DESI2: variants seen among roughly 807,000 people sequenced by gnomAD.
The protein encoded by DESI2 is desumoylating isopeptidase 2.
DESI2 carries 10 observed loss-of-function variants against 24.1 expected under a neutral mutation model. The observed-to-expected ratio is 0.41, with a 90% CI of 0.26 to 0.70. The LOEUF (loss-of-function observed/expected upper bound fraction) is 0.70, where lower values mean the gene tolerates loss of function less well. DESI2 is among the 30% of genes least tolerant of loss of function. The pLI, the probability that DESI2 is intolerant of heterozygous loss-of-function variation, is 0.29. For synonymous variants in DESI2, 71 were observed against 87.7 expected (o/e 0.81, Z 1.06); for missense variants, 122 against 234.9 (o/e 0.52, Z 3.14).
At chr1:244,681,329 C>T (rs1345671627) in intron 1 of DESI2, among the ~76,000 whole-genome samples, 1 of 152,110 alleles carries the variant, frequency 6.6e-6, no homozygotes, top group East Asian at 1.9e-4. Context: ...TCTTCCATTC[C>T]ATTTCCTCTT....
chr1:244,695,847 T>C (rs1677194117), intron 4 of DESI2, among the ~76,000 whole-genome samples: 2 of 152,168 alleles, frequency 1.3e-5, no homozygotes, highest in Non-Finnish European at 2.9e-5. Context: ...GTGATCATAG[T>C]TCATTGCAGC....
At chr1:244,670,317 G>A (rs1676204184) in intron 1 of DESI2, among the ~76,000 whole-genome samples, 1 of 152,150 alleles carries the variant, frequency 6.6e-6, no homozygotes, top group African/African-American at 2.4e-5. Flanking sequence ...ACCATTGTTT[G>A]CTATTCATTT....
At chr1:244,703,646 T>C (rs1677568471) in intron 4 of DESI2, among the ~76,000 whole-genome samples, 1 of 144,564 alleles carries the variant, frequency 6.9e-6, no homozygotes, top group African/African-American at 2.5e-5. Context: ...CCACCATGCC[T>C]GGCCTCATGT....
chr1:244,689,696 G>C lies in DESI2; in HGVS notation c.209+354G>C, dbSNP rs900395514. Among the ~76,000 whole-genome samples, 1 of 152,114 alleles carries C rather than the reference G, an allele frequency of 6.6e-6. No individual in the cohort carries two copies. The highest frequency in any genetic ancestry group is 1.9e-4 in the East Asian group (1 of 5,178). On this transcript the variant is annotated intron_variant, in intron 3 of 4. Transcript: ENST00000302550. The surrounding 1 kb of genome is among the most constrained non-coding windows in gnomAD (Gnocchi z 4.0). ...GGCTAATTTTTGTATTTTTAGTAGA[G>C]ATGGAGTTTCGCCATGTTGGCCAGG... is the stretch of plus-strand genomic sequence containing the variant.
At position 244,653,134 on chromosome 1, in the gene DESI2, C is replaced by T. The variant is rs1365302839; in HGVS notation, c.-180C>T. ...TCCGGCCCCGTCCGCACAGACGCTC[C>T]TGTCGGCGGCGCCCGGGAGCGGCTC... On this transcript the variant is annotated 5_prime_UTR_variant, in exon 1 of 5. Coordinates refer to ENST00000302550, the MANE Select transcript of DESI2 (RefSeq NM_016076.5). 37 of 494,632 alleles carry T rather than the reference C, an allele frequency of 7.5e-5. No homozygotes were observed. In the East Asian group the frequency reaches 1.3e-3, roughly 17 times the overall value. 30.6% of individuals were successfully genotyped at this position (494,632 alleles called of 1,614,324 possible).
At chr1:244,671,451 A>G (rs994515497) in intron 1 of DESI2, among the ~76,000 whole-genome samples, 5 of 152,282 alleles carry the variant, frequency 3.3e-5, no homozygotes, top group South Asian at 2.1e-4. Flanking sequence ...CCTGAGAGCA[A>G]TAGTTCTTTA....
chr1:244,683,030 G>A (rs1573207946), intron 1 of DESI2, among the ~76,000 whole-genome samples: 2 of 152,186 alleles, frequency 1.3e-5, no homozygotes, highest in Non-Finnish European at 2.9e-5. Context: ...AGGGAGCAGG[G>A]TGGAGGGTCA....
At chr1:244,700,805 A>G (rs375201038) in intron 4 of DESI2, among the ~76,000 whole-genome samples, 6 of 152,320 alleles carry the variant, frequency 3.9e-5, no homozygotes, top group Admixed American at 6.5e-5. Context: ...TTACTCCTCT[A>G]TACCTAAAAC....
intron 3 of DESI2, 95 bp from the exon 4 acceptor site, chr1:244,691,784 G>T: frequency 1.0e-6 from 1 of 964,618 alleles, no homozygotes; most frequent in Non-Finnish European, 1.5e-6. Flanking sequence ...TAATATTCCT[G>T]GAAATAAGCA....
chr1:244,654,544 C>T (rs975048012), intron 1 of DESI2, among the ~76,000 whole-genome samples: 22 of 152,282 alleles, frequency 1.4e-4, no homozygotes, highest in African/African-American at 4.8e-4. Context: ...GATGAGTCCT[C>T]TGTTGAATTC....
intron 1 of DESI2, among the ~76,000 whole-genome samples, chr1:244,665,094 T>A (rs1675996322): frequency 6.6e-6 from 1 of 152,224 alleles, no homozygotes; most frequent in Non-Finnish European, 1.5e-5. Flanking sequence ...TATTAGATGT[T>A]GAATTATACT....
At chr1:244,683,004 A>G (rs1325950314) in intron 1 of DESI2, among the ~76,000 whole-genome samples, 3 of 152,176 alleles carry the variant, frequency 2.0e-5, no homozygotes, top group Admixed American at 2.0e-4. Context: ...GCATGGGCAA[A>G]TGGGAATTTG....
intron 1 of DESI2, among the ~76,000 whole-genome samples, chr1:244,685,617 T>C (rs1676790669): frequency 1.3e-5 from 2 of 152,226 alleles, no homozygotes; most frequent in Non-Finnish European, 2.9e-5. Flanking sequence ...TGTTCATTTA[T>C]GCTTCTTCCA....
chr1:244,654,122 T>A lies in DESI2; in HGVS notation c.42+767T>A, dbSNP rs77779543. On this transcript the variant is annotated intron_variant, in intron 1 of 4. Transcript: ENST00000302550. ...AGTATGGCAAGCACGCAGAATCGAG[T>A]CCAAGAACTGGTTTGCCTGATTTTT... The A allele has an allele frequency of 1.2e-3, 523 of 431,036 alleles. 1 individual carries two copies. In the East Asian group the frequency reaches 0.02, roughly 16 times the overall value. The allele number at this position is 431,036 out of a possible 1,614,324, so 26.7% of individuals were successfully genotyped here.
chr1:244,663,316 A>G (rs1675913623), intron 1 of DESI2, among the ~76,000 whole-genome samples: 1 of 151,874 alleles, frequency 6.6e-6, no homozygotes, highest in Admixed American at 6.6e-5. Flanking sequence ...AGCTGGGACT[A>G]CAGGCGCCTG....
chr1:244,692,400 C>T (rs904453715), intron 4 of DESI2, among the ~76,000 whole-genome samples: 5 of 151,778 alleles, frequency 3.3e-5, no homozygotes, highest in South Asian at 2.1e-4. Context: ...ATAAGTAATT[C>T]GTGTCTTCCA....
chr1:244,691,456 ATAACT>A (rs551581943), intron 3 of DESI2, among the ~76,000 whole-genome samples: 188 of 152,390 alleles, frequency 1.2e-3, no homozygotes, highest in African/African-American at 4.3e-3. Flanking sequence ...ACAGTGACAG[ATAACT>A]TAAAAGTTTG....
chr1:244,654,104 C>A, intron 1 of DESI2: 2 of 452,636 alleles, frequency 4.4e-6, no homozygotes, highest in Middle Eastern at 3.3e-4. Flanking sequence ...TGGAGTATGG[C>A]AAGCACGCAG....
intron 1 of DESI2, among the ~76,000 whole-genome samples, chr1:244,668,378 C>T (rs1676121097): frequency 6.6e-6 from 1 of 152,100 alleles, no homozygotes; most frequent in South Asian, 2.1e-4. Flanking sequence ...ACATCAAAGA[C>T]AGTAATTAGC....
Sources: allele counts gnomAD v4.1 joint callset (sites outside exome capture counted in the v4.1 genomes callset), GRCh38; gene constraint gnomAD v4.1.1; non-coding constraint Gnocchi (gnomAD v3.1); transcripts MANE v1.5; gene names NCBI Gene and HGNC (gene_info 2026-07-23, HGNC 2026-07-21).